C14orf39: variants seen among roughly 807,000 people sequenced by gnomAD.
C14orf39 encodes chromosome 14 open reading frame 39.
C14orf39 carries 66 observed loss-of-function variants against 85.6 expected under a neutral mutation model. The ratio of observed to expected loss-of-function variants is 0.77; its 90% CI spans 0.63 to 0.95. C14orf39 has a LOEUF of 0.95. C14orf39 is among the 40% of genes least tolerant of loss of function. C14orf39 has a pLI of 0.00. For synonymous variants in C14orf39, 242 were observed against 214.0 expected, an observed-to-expected ratio of 1.13 and a Z score of -1.14; for missense variants, 735 against 663.9, an observed-to-expected ratio of 1.11 and a Z score of -1.18.
At chr14:60,440,029 A>C (rs1254321) in intron 17 of C14orf39, among the ~76,000 whole-genome samples, 55,968 of 152,022 alleles carry the variant, frequency 0.37, 11,324 homozygotes, top group East Asian at 0.67. Context: ...GAGCCGAGAT[A>C]GTGCTATTGC....
chr14:60,455,218 A>C (rs1891215175), intron 15 of C14orf39, 73 bp from the exon 16 acceptor site: 3 of 1,080,420 alleles, frequency 2.8e-6, no homozygotes, highest in Non-Finnish European at 4.0e-6. Context: ...CATCATAAGC[A>C]ACAGCATAGA....
chr14:60,482,258 G>A (rs1892676680), intron 4 of C14orf39, among the ~76,000 whole-genome samples: 2 of 152,152 alleles, frequency 1.3e-5, no homozygotes, highest in Admixed American at 1.3e-4. Context: ...GCAGCTAATT[G>A]AGGAAAACCA....
At chr14:60,514,323 G>T (rs1408845628) in intron 1 of C14orf39, among the ~76,000 whole-genome samples, 1 of 152,086 alleles carries the variant, frequency 6.6e-6, no homozygotes, top group Non-Finnish European at 1.5e-5. Flanking sequence ...TTCTTTTCCT[G>T]CAATTCTTCT....
chr14:60,437,773 T>C (rs1890326639), intron 17 of C14orf39, among the ~76,000 whole-genome samples: 1 of 152,052 alleles, frequency 6.6e-6, no homozygotes, highest in Non-Finnish European at 1.5e-5. Flanking sequence ...AACTATTATT[T>C]ATTGAGTCAC....
At position 60,497,882 on chromosome 14, in the gene C14orf39, C is replaced by CA. The variant is rs1233086520; in HGVS notation, c.-9+1413dup. 4.3e-5 allele frequency among the ~76,000 whole-genome samples: 6 copies of CA among 140,802 alleles called. No homozygotes were observed. The South Asian group carries it at 6.7e-4, about 16-fold the overall frequency. 92.4% of individuals were successfully genotyped at this position (140,802 alleles called of 152,430 possible). On this transcript the variant is annotated intron_variant, in intron 2 of 5. Coordinates refer to the C14orf39 transcript ENST00000556799. ...GGGCAACAAAAGTGAAACTCCATCT[C>CA]AAAAAAAAGAAAAAAGAAAAAAAGA... is the stretch of plus-strand genomic sequence containing the variant.
At chr14:60,480,142 C>T (rs979849552) in intron 4 of C14orf39, among the ~76,000 whole-genome samples, 3 of 152,170 alleles carry the variant, frequency 2.0e-5, no homozygotes, top group African/African-American at 7.2e-5. Context: ...ATGAATAAGG[C>T]TGGGTGCGGT....
chr14:60,483,575 A>T, intron 4 of C14orf39, 116 bp downstream of exon 4: 3 of 848,436 alleles, frequency 3.5e-6, no homozygotes, highest in Non-Finnish European at 5.2e-6. Context: ...AAGGCACATT[A>T]AGACTTGATT....
chr14:60,478,600 T>C (rs1425689427), intron 4 of C14orf39, among the ~76,000 whole-genome samples: 1 of 152,186 alleles, frequency 6.6e-6, no homozygotes, highest in African/African-American at 2.4e-5. Flanking sequence ...TATTCATGAA[T>C]TTTTATATTA....
chr14:60,482,585 T>C (rs1595485992), intron 4 of C14orf39, among the ~76,000 whole-genome samples: 1 of 152,224 alleles, frequency 6.6e-6, no homozygotes, highest in African/African-American at 2.4e-5. Flanking sequence ...TGTTTAAATG[T>C]GCATACTCTT....
upstream of C14orf39, among the ~76,000 whole-genome samples, chr14:60,487,857 G>A (rs962313749): frequency 1.3e-5 from 2 of 151,868 alleles, no homozygotes; most frequent in African/African-American, 2.4e-5. Context: ...TTTGCATTTC[G>A]CTATGATTAT....
At chr14:60,452,858 A>G (rs1369650510) in intron 16 of C14orf39, among the ~76,000 whole-genome samples, 3 of 152,150 alleles carry the variant, frequency 2.0e-5, no homozygotes, top group African/African-American at 7.2e-5. Flanking sequence ...TCTATGGCCT[A>G]CATATTTAGG....
At position 60,484,599 on chromosome 14, in the gene C14orf39, T is replaced by C. The variant is rs911368153; in HGVS notation, c.106+282A>G. 2.0e-5 allele frequency among the ~76,000 whole-genome samples: 3 copies of C among 152,192 alleles called. No homozygotes were observed. Among genetic ancestry groups the C allele is most frequent in the Admixed American group, 6.5e-5 (1 of 15,284 alleles). ...TCAACTATTTGAAATAACTTGTTATTAGAGAAAAATAACATCTTTTCCACT... is the reference window on the plus strand; with the variant it reads ...TCAACTATTTGAAATAACTTGTTATCAGAGAAAAATAACATCTTTTCCACT... On this transcript the variant is annotated intron_variant, in intron 3 of 17. Coordinates refer to ENST00000321731, the MANE Select transcript of C14orf39 (RefSeq NM_174978.3). The surrounding 1 kb of genome is among the most constrained non-coding windows in gnomAD (Gnocchi z 4.2).
intron 5 of C14orf39, among the ~76,000 whole-genome samples, chr14:60,472,241 CT>C (rs11314633): frequency 0.87 from 132,479 of 151,950 alleles, 58,243 homozygotes; most frequent in Non-Finnish European, 0.92. Context: ...TATTAGAACT[CT>C]TGTGTTCACC....
chr14:60,453,641 T>G (rs1307906682), intron 16 of C14orf39, among the ~76,000 whole-genome samples: 1 of 151,844 alleles, frequency 6.6e-6, no homozygotes, highest in East Asian at 1.9e-4. Context: ...TTCTACCTTG[T>G]GGGGTTGAAT....
At chr14:60,452,375 T>C (rs536841950) in intron 16 of C14orf39, among the ~76,000 whole-genome samples, 1 of 152,098 alleles carries the variant, frequency 6.6e-6, no homozygotes, top group East Asian at 1.9e-4. Flanking sequence ...GTCATTATGT[T>C]AAATGAAATA....
In C14orf39 at chr14:60,484,382, T is replaced by C. The variant is rs1892786608; in HGVS notation, c.106+499A>G. 6.6e-6 allele frequency among the ~76,000 whole-genome samples: 1 copy of C among 152,208 alleles called. No individual in the cohort carries two copies. Among genetic ancestry groups the C allele is most frequent in the South Asian group, 2.1e-4 (1 of 4,836 alleles). ...ACCAAACTCTACCTTTTCAGAACGA[T>C]GAAGAAATTTAGAACTCTATTTTTT... On this transcript the variant is annotated intron_variant, in intron 3 of 17. Transcript: ENST00000321731. This position sits in a 1 kb window ranked among gnomAD's most constrained non-coding sequence, Gnocchi z 4.2.
chr14:60,465,004 G>T (rs952831559), intron 11 of C14orf39, among the ~76,000 whole-genome samples: 1 of 151,440 alleles, frequency 6.6e-6, no homozygotes, highest in African/African-American at 2.4e-5. Context: ...TTCTCTTCTG[G>T]TGGTTACCCT....
intron 2 of C14orf39, chr14:60,496,471 T>C (rs759350072): frequency 7.5e-6 from 2 of 266,486 alleles, no homozygotes; most frequent in Non-Finnish European, 1.5e-5. Flanking sequence ...TTATGTCCCC[T>C]TAGCTGCCAC....
At chr14:60,444,379 T>C (rs1025086569) in intron 16 of C14orf39, among the ~76,000 whole-genome samples, 3 of 150,766 alleles carry the variant, frequency 2.0e-5, no homozygotes, top group South Asian at 2.3e-4. Flanking sequence ...CTGAAAACCA[T>C]GGCACAAGAA....
Sources: allele counts gnomAD v4.1 joint callset (sites outside exome capture counted in the v4.1 genomes callset), GRCh38; gene constraint gnomAD v4.1.1; non-coding constraint Gnocchi (gnomAD v3.1); transcripts MANE v1.5; gene names NCBI Gene and HGNC (gene_info 2026-07-23, HGNC 2026-07-21).